Variants in FGF13 observed in about 807,000 individuals in gnomAD.
The protein encoded by FGF13 is fibroblast growth factor homologous factor 2.
A neutral mutation model predicts 19.5 loss-of-function variants in FGF13; 2 were observed. That is an observed-to-expected ratio of 0.10 (90% CI 0.04 to 0.32). The LOEUF (loss-of-function observed/expected upper bound fraction) is 0.32. Ranked by LOEUF, FGF13 falls within the 10% of genes least tolerant of loss-of-function variation. FGF13 has a pLI of 1.00. For synonymous variants in FGF13, 72 were observed against 76.9 expected (o/e 0.94, Z 0.33); for missense variants, 113 against 192.7 (o/e 0.59, Z 2.45).
chrX:138,650,113 C>T (rs930983957), intron 3 of FGF13, among the ~76,000 whole-genome samples: 2 of 111,537 alleles, frequency 1.8e-5, no homozygotes, highest in Non-Finnish European at 3.8e-5. Flanking sequence ...CATGAAGTAT[C>T]CTAAAGTGTA....
intron 3 of FGF13, among the ~76,000 whole-genome samples, chrX:138,648,294 T>A (rs185631857): frequency 1.8e-5 from 2 of 111,472 alleles, no homozygotes; most frequent in East Asian, 5.7e-4. Context: ...TCCTATTTTT[T>A]ACATTCCTCC....
intron 3 of FGF13, among the ~76,000 whole-genome samples, chrX:138,840,480 G>GC (rs1425533985): frequency 9.0e-6 from 1 of 111,728 alleles, no homozygotes; most frequent in African/African-American, 3.2e-5. Flanking sequence ...ACAACAGGTC[G>GC]CCCTGCCACT....
intron 1 of FGF13, among the ~76,000 whole-genome samples, chrX:139,146,146 G>T (rs2083887253): frequency 9.0e-6 from 1 of 111,727 alleles, no homozygotes; most frequent in African/African-American, 3.3e-5. Context: ...AAGAGCTTCT[G>T]CACAGCAAAA....
chrX:138,824,710 T>C (rs191742816), intron 3 of FGF13, among the ~76,000 whole-genome samples: 1 of 111,549 alleles, frequency 9.0e-6, no homozygotes, highest in Non-Finnish European at 1.9e-5. Context: ...TCTAAGTATA[T>C]TCAAAGAGCC....
At chrX:139,120,136 A>G (rs1197013743) in intron 1 of FGF13, among the ~76,000 whole-genome samples, 1 of 112,263 alleles carries the variant, frequency 8.9e-6, no homozygotes, top group Non-Finnish European at 1.9e-5. Context: ...TTGCTTCCCC[A>G]TAGCCTTCTG....
chrX:138,911,794 G>T (rs1221490417), intron 1 of FGF13, among the ~76,000 whole-genome samples: 1 of 111,634 alleles, frequency 9.0e-6, no homozygotes, highest in African/African-American at 3.3e-5. Context: ...CTGTAAACTT[G>T]TCAAAGTGGA....
At position 138,686,505 on chromosome X, in the gene FGF13, T is replaced by C. The variant is rs543172810; in HGVS notation, c.402+16479A>G. On this transcript the variant is annotated intron_variant, in intron 3 of 4. Coordinates refer to ENST00000315930, the MANE Select transcript of FGF13 (RefSeq NM_004114.5). ...CTGTAAGGTTCAGGGCTCTGAGACA[T>C]ATAAAAAGCAAGATTTAACTATTAA... 8.0e-5 allele frequency among the ~76,000 whole-genome samples: 9 copies of C among 111,949 alleles called. No homozygotes were observed. The East Asian group carries it at 2.5e-3, about 31-fold the overall frequency.
intron 1 of FGF13, among the ~76,000 whole-genome samples, chrX:139,175,025 G>T (rs1364008532): frequency 3.6e-5 from 4 of 111,780 alleles, no homozygotes; most frequent in Non-Finnish European, 7.5e-5. Flanking sequence ...TTCCTATCCA[G>T]GAGCATGGAA....
intron 1 of FGF13, among the ~76,000 whole-genome samples, chrX:138,877,971 AT>A (rs2091400503): frequency 9.0e-6 from 1 of 111,085 alleles, no homozygotes; most frequent in African/African-American, 3.3e-5. Context: ...GAATCAGATG[AT>A]GAGTCTCTAT....
chrX:138,922,602 T>C (rs1297305654), intron 1 of FGF13, among the ~76,000 whole-genome samples: 1 of 112,099 alleles, frequency 8.9e-6, no homozygotes, highest in Non-Finnish European at 1.9e-5. Flanking sequence ...CTAGAGTTCC[T>C]CAAGAATTCC....
chrX:138,984,842 T>TGTGTG (rs1569436382), intron 1 of FGF13, among the ~76,000 whole-genome samples: 1 of 27,797 alleles, frequency 3.6e-5, no homozygotes, highest in African/African-American at 8.5e-5. Flanking sequence ...GTGTGTGTGT[T>TGTGTG]TTAATTTTTG....
intron 3 of FGF13, among the ~76,000 whole-genome samples, chrX:138,777,306 T>G (rs749360193): frequency 1.8e-5 from 2 of 111,476 alleles, no homozygotes; most frequent in Non-Finnish European, 3.8e-5. Flanking sequence ...CAGGCAGTAC[T>G]GGCAATGGGT....
intron 1 of FGF13, among the ~76,000 whole-genome samples, chrX:138,989,925 C>T (rs1378156924): frequency 1.8e-5 from 2 of 111,353 alleles, no homozygotes; most frequent in African/African-American, 6.5e-5. Context: ...CCCAAATAAG[C>T]TATAATATCC....
chrX:138,985,117 A>AGCCGG (rs754662198), intron 1 of FGF13: 84 of 353,812 alleles, frequency 2.4e-4, no homozygotes, highest in African/African-American at 1.9e-3. Flanking sequence ...ACAAAACATC[A>AGCCGG]ACATCCTCCA....
At position 139,066,061 on chromosome X, in the gene FGF13, C is replaced by A. The variant is rs747198149; in HGVS notation, c.-113+137355G>T. ...CTACATGGAAACTGAACAACCAGCT[C>A]CTGAATGACTACTGGGTAAATAATG... On this transcript the variant is annotated intron_variant, in intron 1 of 2. Coordinates refer to the FGF13 transcript ENST00000421460. Among the ~76,000 whole-genome samples the A allele has an allele frequency of 9.9e-5, 11 of 111,526 alleles. No homozygotes were observed. In the Admixed American group the frequency reaches 1.1e-3, roughly 11 times the overall value.
chrX:139,100,041 AACACACACACAC>A (rs56821859), intron 1 of FGF13, among the ~76,000 whole-genome samples: 22 of 76,408 alleles, frequency 2.9e-4, no homozygotes, highest in Admixed American at 7.8e-4. Context: ...GGGGAAAGCA[AACACACACACAC>A]ACACACACAC....
At chrX:138,996,820 C>G (rs745376533) in intron 1 of FGF13, among the ~76,000 whole-genome samples, 1 of 112,258 alleles carries the variant, frequency 8.9e-6, no homozygotes, top group Non-Finnish European at 1.9e-5. Flanking sequence ...GCACAGCGTT[C>G]GAGCTCTGAT....
chrX:138,820,818 T>C (rs1475926067), intron 3 of FGF13, among the ~76,000 whole-genome samples: 1 of 109,888 alleles, frequency 9.1e-6, no homozygotes, highest in Non-Finnish European at 1.9e-5. Context: ...TTAGTGAGAG[T>C]GAATTTGTGG....
At chrX:138,724,575 CAG>C (rs1351574250) in intron 1 of FGF13, among the ~76,000 whole-genome samples, 1 of 111,736 alleles carries the variant, frequency 8.9e-6, no homozygotes, top group East Asian at 2.8e-4. Context: ...CATTTTAGGA[CAG>C]AAGTTTTTAA....
Sources: allele counts gnomAD v4.1 joint callset (sites outside exome capture counted in the v4.1 genomes callset), GRCh38; gene constraint gnomAD v4.1.1; transcripts MANE v1.5; gene names NCBI Gene and HGNC (gene_info 2026-07-23, HGNC 2026-07-21).